The following SRGAP3 variants were observed in gnomAD, a reference collection of about 807,000 sequenced individuals.
SRGAP3 encodes the protein SLIT-ROBO Rho GTPase-activating protein 3.
SRGAP3 carries 39 observed loss-of-function variants against 121.1 expected under a neutral mutation model. That is an observed-to-expected ratio of 0.32 (90% confidence interval 0.25 to 0.42). SRGAP3 has a LOEUF of 0.42. Among genes scored for constraint, SRGAP3 ranks in the 10% least tolerant of loss-of-function variants. The probability of loss-of-function intolerance (pLI) is 1.00; values close to 1 mark genes in which losing one functional copy is unlikely to be tolerated. For missense variants in SRGAP3, 1,213 were observed against 1,470.6 expected, an observed-to-expected ratio of 0.82 and a Z score of 2.86; for synonymous variants, 601 against 570.0, an observed-to-expected ratio of 1.05 and a Z score of -0.77.
At chr3:9,111,429 G>C (rs1948618390) in intron 2 of SRGAP3, among the ~76,000 whole-genome samples, 1 of 152,248 alleles carries the variant, frequency 6.6e-6, no homozygotes, top group Non-Finnish European at 1.5e-5. Flanking sequence ...GGGCAAAGGC[G>C]CCTCAGGGCG....
intron 1 of SRGAP3, among the ~76,000 whole-genome samples, chr3:9,355,484 C>A (rs532195188): frequency 6.6e-6 from 1 of 152,348 alleles, no homozygotes; most frequent in South Asian, 2.1e-4. Flanking sequence ...CCTCACTGGC[C>A]ACCTGGCTAT....
At chr3:9,259,011 C>T (rs1954195282) in intron 3 of SRGAP3, among the ~76,000 whole-genome samples, 2 of 152,230 alleles carry the variant, frequency 1.3e-5, no homozygotes, top group Admixed American at 6.5e-5. Context: ...GGGCATCCGC[C>T]TCGCTCCTAA....
At chr3:9,318,193 T>C (rs1955380419) in intron 3 of SRGAP3, among the ~76,000 whole-genome samples, 1 of 149,460 alleles carries the variant, frequency 6.7e-6, no homozygotes, top group African/African-American at 2.4e-5. Context: ...GTTGAAATTG[T>C]CAGACAATTT....
chr3:9,011,671 C>G (rs1469324669), intron 17 of SRGAP3, among the ~76,000 whole-genome samples: 2 of 151,438 alleles, frequency 1.3e-5, no homozygotes, highest in Non-Finnish European at 2.9e-5. Context: ...TCCATCAGAG[C>G]TCCTGCACCA....
chr3:9,166,587 G>A lies in SRGAP3; in HGVS notation c.68-41670C>T, dbSNP rs761763188. On this transcript the variant is annotated intron_variant, in intron 1 of 21. Transcript: ENST00000383836. ...GGCAGAGCAACAATGTAGAAGGAAC[G>A]AGGACCCTGAATGACCTCATGGAGC... Among the ~76,000 whole-genome samples, 58 of 152,292 alleles carry A rather than the reference G, an allele frequency of 3.8e-4. 1 individual carries two copies. The highest frequency in any genetic ancestry group is 1.2e-3 in the Admixed American group (18 of 15,292).
chr3:8,993,444 T>C (rs1043848812), intron 19 of SRGAP3, among the ~76,000 whole-genome samples: 3 of 152,184 alleles, frequency 2.0e-5, no homozygotes, highest in African/African-American at 7.2e-5. Context: ...GAGAAATGGC[T>C]TCTGGCTAAG....
In SRGAP3 at chr3:9,109,877, A is replaced by G. The variant is rs1948553914; in HGVS notation, c.261-5035T>C. Among the ~76,000 whole-genome samples, 1 of 151,978 alleles carries G rather than the reference A, an allele frequency of 6.6e-6. No individual in the cohort carries two copies. The highest frequency in any genetic ancestry group is 1.5e-5 in the Non-Finnish European group (1 of 67,992). ...AGGAGCAGGAGAGGGAGGAGCAGGTAGGGAGGGGGCCCAAGCATGGTGTTT... is the reference window on the plus strand; with the variant it reads ...AGGAGCAGGAGAGGGAGGAGCAGGTGGGGAGGGGGCCCAAGCATGGTGTTT... On this transcript the variant is annotated intron_variant, in intron 2 of 21. Coordinates refer to ENST00000383836, the MANE Select transcript of SRGAP3 (RefSeq NM_014850.4). The surrounding 1 kb of genome is among the most constrained non-coding windows in gnomAD (Gnocchi z 4.4).
chr3:9,341,025 G>A (rs1028186924), intron 1 of SRGAP3, among the ~76,000 whole-genome samples: 5 of 152,160 alleles, frequency 3.3e-5, no homozygotes, highest in East Asian at 1.9e-4. Flanking sequence ...TTCCTGTCTC[G>A]CAGAAAGTGT....
chr3:9,147,252 T>G (rs373775047), intron 1 of SRGAP3, among the ~76,000 whole-genome samples: 1 of 152,282 alleles, frequency 6.6e-6, no homozygotes, highest in African/African-American at 2.4e-5. Flanking sequence ...GGCCCCCACC[T>G]TGATTTCTTC....
At chr3:9,245,090 C>T (rs1341739000) in intron 1 of SRGAP3, among the ~76,000 whole-genome samples, 2 of 152,220 alleles carry the variant, frequency 1.3e-5, no homozygotes, top group Admixed American at 6.5e-5. Flanking sequence ...AAATAGGATA[C>T]TGATAATATA....
In SRGAP3 at chr3:8,985,412, T is replaced by A. The variant is rs979178873; in HGVS notation, c.*107A>T. The A allele has an allele frequency of 1.7e-5, 26 of 1,544,336 alleles. No homozygotes were observed. The highest frequency in any genetic ancestry group is 2.3e-5 in the Non-Finnish European group (26 of 1,152,828). On this transcript the variant is annotated 3_prime_UTR_variant, in exon 22 of 22. Coordinates refer to ENST00000383836, the MANE Select transcript of SRGAP3 (RefSeq NM_014850.4). This position sits in a 1 kb window ranked among gnomAD's most constrained non-coding sequence, Gnocchi z 5.1. ...ACAGACACACCCTCCCAGACGGACCTCTGCCCTCCAAGGCCAGGGTCACTG... is the reference window on the plus strand; with the variant it reads ...ACAGACACACCCTCCCAGACGGACCACTGCCCTCCAAGGCCAGGGTCACTG...
At chr3:9,167,343 T>G (rs1950825647) in intron 1 of SRGAP3, among the ~76,000 whole-genome samples, 1 of 152,196 alleles carries the variant, frequency 6.6e-6, no homozygotes, top group Non-Finnish European at 1.5e-5. Context: ...CTTCACTCTC[T>G]CTCTCATTCT....
At chr3:9,040,325 C>T (rs1574960640) in intron 10 of SRGAP3, among the ~76,000 whole-genome samples, 1 of 152,140 alleles carries the variant, frequency 6.6e-6, no homozygotes, top group Admixed American at 6.6e-5. Context: ...CAGAGTAGAC[C>T]CTTCAAAATG....
intron 4 of SRGAP3, among the ~76,000 whole-genome samples, chr3:9,073,524 G>A (rs1344452903): frequency 1.3e-5 from 2 of 152,316 alleles, no homozygotes; most frequent in East Asian, 3.9e-4. Flanking sequence ...AGCACTCGGA[G>A]TCTGGAGCAG....
intron 3 of SRGAP3, among the ~76,000 whole-genome samples, chr3:9,297,936 T>C (rs1232429480): frequency 3.3e-5 from 5 of 150,328 alleles, no homozygotes; most frequent in African/African-American, 9.8e-5. Flanking sequence ...AATTAGGACA[T>C]AGATGTGCAT....
intron 1 of SRGAP3, among the ~76,000 whole-genome samples, chr3:9,166,741 A>G (rs1950800632): frequency 6.6e-6 from 1 of 152,112 alleles, no homozygotes; most frequent in African/African-American, 2.4e-5. Flanking sequence ...GCAAATGTAA[A>G]CTTGGCTGCC....
intron 1 of SRGAP3, among the ~76,000 whole-genome samples, chr3:9,222,024 G>C (rs1394283602): frequency 6.6e-6 from 1 of 152,214 alleles, no homozygotes; most frequent in African/African-American, 2.4e-5. Context: ...ATCCACAGGA[G>C]TAGGGTCTGG....
At chr3:9,352,126 G>A (rs2030203252) in intron 1 of SRGAP3, among the ~76,000 whole-genome samples, 1 of 152,056 alleles carries the variant, frequency 6.6e-6, no homozygotes, top group Non-Finnish European at 1.5e-5. Context: ...CCCCTGTCCT[G>A]CAGTTTTTGC....
At chr3:9,072,189 C>G (rs1278691485) in intron 4 of SRGAP3, among the ~76,000 whole-genome samples, 1 of 152,136 alleles carries the variant, frequency 6.6e-6, no homozygotes, top group African/African-American at 2.4e-5. Flanking sequence ...CTCCAGCATC[C>G]CGGGTGCTGC....
Sources: gnomAD v4.1 joint callset for allele counts (sites outside exome capture counted in the v4.1 genomes callset) on GRCh38, gnomAD v4.1.1 for gene constraint, Gnocchi (gnomAD v3.1) non-coding constraint, MANE v1.5 for transcripts, NCBI Gene and HGNC (gene_info 2026-07-23, HGNC 2026-07-21) for gene names.